ACSF3: variants seen among roughly 807,000 people sequenced by gnomAD.
ACSF3 encodes malonate--CoA ligase ACSF3, mitochondrial.
Under a neutral mutation model 53.2 loss-of-function variants are expected in ACSF3, and 78 were observed. The ratio of observed to expected loss-of-function variants is 1.47; its 90% confidence interval spans 1.22 to 1.77. The LOEUF (loss-of-function observed/expected upper bound fraction) is 1.77, where lower values mean the gene tolerates loss of function less well. ACSF3 is among the 40% of genes most tolerant of loss of function. The pLI is 0.00. For synonymous variants in ACSF3, 414 were observed against 333.1 expected, an observed-to-expected ratio of 1.24 and a Z score of -2.65; for missense variants, 937 against 771.1, an observed-to-expected ratio of 1.22 and a Z score of -2.55.
At chr16:89,114,134 A>C (rs1014416983) in intron 5 of ACSF3, 2 of 663,728 alleles carry the variant, frequency 3.0e-6, no homozygotes, top group African/African-American at 3.6e-5. Flanking sequence ...TTTTCAAAAA[A>C]CAAAGTCACG....
intron 4 of ACSF3, among the ~76,000 whole-genome samples, chr16:89,104,737 C>A (rs1975761751): frequency 6.6e-6 from 1 of 152,176 alleles, no homozygotes. Context: ...AGTCTCATCC[C>A]CGGAAAATAA....
Position 89,154,764 on chromosome 16 carries a change from C to A in ACSF3, c.*557C>A, listed in dbSNP as rs762212556. The A allele has an allele frequency of 2.2e-6, 1 of 454,170 alleles. No individual in the cohort carries two copies. The highest frequency in any genetic ancestry group is 4.4e-6 in the Non-Finnish European group (1 of 226,804). The allele number at this position is 454,170 out of a possible 1,614,324, so 28.1% of individuals were successfully genotyped here. On this transcript the variant is annotated 3_prime_UTR_variant, in exon 11 of 11. Coordinates refer to ENST00000614302, the MANE Select transcript of ACSF3 (RefSeq NM_001243279.3). ...GTTCCGTGCATTTCCTGGTGCTGCT[C>A]TTGGAGGAGAGCAGCTCCCACTGTG... is the stretch of plus-strand genomic sequence containing the variant.
chr16:89,096,798 G>A (rs938823996), intron 1 of ACSF3, among the ~76,000 whole-genome samples: 1 of 152,150 alleles, frequency 6.6e-6, no homozygotes, highest in Non-Finnish European at 1.5e-5. Context: ...TCCCCACCAG[G>A]CCCCCGTCCG....
chr16:89,105,764 T>TG (rs1402912966), intron 4 of ACSF3, among the ~76,000 whole-genome samples: 3 of 152,204 alleles, frequency 2.0e-5, no homozygotes, highest in African/African-American at 7.2e-5. Flanking sequence ...CAGGGCGAGA[T>TG]GCAGCTGGCA....
intron 8 of ACSF3, among the ~76,000 whole-genome samples, chr16:89,139,350 G>A (rs1003072535): frequency 2.0e-5 from 3 of 151,970 alleles, no homozygotes; most frequent in Non-Finnish European, 4.4e-5. Flanking sequence ...TCCCTCTTCC[G>A]CCCCCAGCTG....
intron 8 of ACSF3, among the ~76,000 whole-genome samples, chr16:89,144,611 A>G (rs1567744773): frequency 6.6e-6 from 1 of 152,186 alleles, no homozygotes; most frequent in Non-Finnish European, 1.5e-5. Flanking sequence ...TGGGCCTGAG[A>G]GAAATGGCAG....
intron 7 of ACSF3, 99 bp from the exon 8 acceptor site, chr16:89,133,037 T>C (rs954904962): frequency 1.9e-6 from 3 of 1,552,848 alleles, no homozygotes; most frequent in African/African-American, 2.7e-5. Flanking sequence ...CGGCCCTGGG[T>C]GGGCCCTGGG....
chr16:89,123,153 G>A (rs752163997), intron 7 of ACSF3, among the ~76,000 whole-genome samples: 17 of 152,174 alleles, frequency 1.1e-4, no homozygotes, highest in Non-Finnish European at 1.8e-4. Flanking sequence ...GCTGCCCTGC[G>A]GGGCCTGGCT....
intron 4 of ACSF3, among the ~76,000 whole-genome samples, chr16:89,109,060 CT>C (rs1368179919): frequency 6.6e-6 from 1 of 151,862 alleles, no homozygotes; most frequent in Non-Finnish European, 1.5e-5. Flanking sequence ...GGGTGAAACC[CT>C]GTCTATACTA....
intron 4 of ACSF3, among the ~76,000 whole-genome samples, chr16:89,104,162 G>A (rs7202996): frequency 0.65 from 98,736 of 152,158 alleles, 32,907 homozygotes; most frequent in Admixed American, 0.74. Flanking sequence ...GTGAAGCAGA[G>A]CCCTCCGGTG....
At position 89,100,518 on chromosome 16, in the gene ACSF3, G is replaced by A. The variant is rs1308779637; in HGVS notation, c.-20-144G>A. On this transcript the variant is annotated intron_variant, in intron 2 of 10. Coordinates refer to ENST00000614302, the MANE Select transcript of ACSF3 (RefSeq NM_001243279.3). The stretch of plus-strand genomic sequence containing the variant: ...GCAGTGTGGGTGAGAAAGGCTGGAC[G>A]TGGCCTGTCTGGTGCGCTGCCTCAT... 6 of 779,944 alleles carry A rather than the reference G, an allele frequency of 7.7e-6. No individual in the cohort carries two copies. The East Asian group carries it at 1.1e-4, about 14-fold the overall frequency. The allele number at this position is 779,944 out of a possible 1,614,324, so 48.3% of individuals were successfully genotyped here. A position where few individuals can be genotyped will look rare whatever the true frequency, so the allele number is the denominator to read the frequency against.
chr16:89,103,914 T>G (rs1054775085), intron 4 of ACSF3, among the ~76,000 whole-genome samples: 5 of 152,240 alleles, frequency 3.3e-5, no homozygotes, highest in African/African-American at 1.2e-4. Context: ...CAGGGCTGTC[T>G]CCAGGCAGAT....
chr16:89,098,025 G>C (rs1258766653), intron 1 of ACSF3, among the ~76,000 whole-genome samples: 1 of 151,842 alleles, frequency 6.6e-6, no homozygotes, highest in Non-Finnish European at 1.5e-5. Context: ...AGTGAGCCGA[G>C]ATCGTGCCAC....
chr16:89,155,848 T>C lies in ACSF3; in HGVS notation c.*1641T>C. The C allele has an allele frequency of 2.2e-6, 1 of 445,258 alleles. No homozygotes were observed. Among genetic ancestry groups the C allele is most frequent in the Admixed American group, 2.4e-5 (1 of 41,010 alleles). The allele number at this position is 445,258 out of a possible 1,614,324, so 27.6% of individuals were successfully genotyped here. On this transcript the variant is annotated 3_prime_UTR_variant, in exon 11 of 11. Coordinates refer to ENST00000614302, the MANE Select transcript of ACSF3 (RefSeq NM_001243279.3). ...TAATCATTTGCTTTATCCGATAGTA[T>C]ACATCAGTATATCATGCTTTCGAAA...
intron 4 of ACSF3, among the ~76,000 whole-genome samples, chr16:89,107,482 G>A (rs966960782): frequency 6.8e-6 from 1 of 146,270 alleles, no homozygotes; most frequent in African/African-American, 2.4e-5. Flanking sequence ...TCCGTTTTCC[G>A]TGCCTCAGTG....
rs541624954 is a variant in ACSF3 at position 89,132,124 on chromosome 16, T to C, written c.1240-1012T>C. ...TTGGCCCCACGGCGTTTGAGCGCCC[T>C]TTCTCCACATCAGATCAGTGTGTTC... On this transcript the variant is annotated intron_variant, in intron 7 of 10. Transcript: ENST00000614302. Among the ~76,000 whole-genome samples, 177 of 152,388 alleles carry C rather than the reference T, an allele frequency of 1.2e-3. 2 individuals are homozygous for C. Among genetic ancestry groups the C allele is most frequent in the African/African-American group, 3.8e-3 (156 of 41,598 alleles).
chr16:89,145,392 A>T lies in ACSF3; in HGVS notation c.1492A>T (p.Ser498Cys). ...EVEWHLLAHP[S>C]ITDVAVIGVP... ...GGAGTGGCACCTGCTGGCCCACCCC[A>T]GCATCACAGGTGCGTGGCCGGACTT... is the stretch of plus-strand genomic sequence containing the variant. Residue 498 changes from serine (S) to cysteine (C), a missense_variant, in exon 9 of 11, where the codon AGC becomes TGC. By Grantham distance (112) the Ser-to-Cys change is moderately radical. Coordinates refer to ENST00000614302, the MANE Select transcript of ACSF3 (RefSeq NM_001243279.3). 6.2e-7 allele frequency: 1 copy of T among 1,614,106 alleles called. No homozygotes were observed.
At chr16:89,134,007 A>G (rs530679364) in intron 8 of ACSF3, among the ~76,000 whole-genome samples, 2 of 152,304 alleles carry the variant, frequency 1.3e-5, no homozygotes, top group East Asian at 3.9e-4. Context: ...GCTTGGTCCC[A>G]GGATCCCACA....
At chr16:89,129,148 C>A (rs1835832251) in intron 7 of ACSF3, among the ~76,000 whole-genome samples, 1 of 152,098 alleles carries the variant, frequency 6.6e-6, no homozygotes, top group Admixed American at 6.5e-5. Flanking sequence ...TAGGAAATGT[C>A]TGTTCTGTAA....
Sources: gnomAD v4.1 joint callset for allele counts (sites outside exome capture counted in the v4.1 genomes callset) on GRCh38, gnomAD v4.1.1 for gene constraint, MANE v1.5 for transcripts, NCBI Gene and HGNC (gene_info 2026-07-23, HGNC 2026-07-21) for gene names.